Variants in ROBO2 observed in about 807,000 individuals in gnomAD.
ROBO2 encodes roundabout guidance receptor 2, also known as roundabout homolog 2.
ROBO2 carries 53 observed loss-of-function variants against 160.8 expected under a neutral mutation model. The ratio of observed to expected loss-of-function variants is 0.33; its 90% CI spans 0.26 to 0.41. The LOEUF is 0.41. ROBO2 is among the 10% of genes least tolerant of loss of function. ROBO2 has a pLI of 1.00. For synonymous variants in ROBO2, 664 were observed against 611.7 expected (o/e 1.09, Z -1.26); for missense variants, 1,577 against 1,722.4 (o/e 0.92, Z 1.49).
chr3:77,047,812 G>T (rs2064831975), intron 1 of ROBO2, among the ~76,000 whole-genome samples: 1 of 151,528 alleles, frequency 6.6e-6, no homozygotes, highest in Admixed American at 6.6e-5. Context: ...GGGAGGCTGA[G>T]GCAGGTGGAT....
intron 2 of ROBO2, among the ~76,000 whole-genome samples, chr3:76,139,551 G>T (rs2106743341): frequency 6.6e-6 from 1 of 152,094 alleles, no homozygotes; most frequent in Middle Eastern, 3.4e-3. Context: ...AGGTCCTGCA[G>T]TGGAGTGGAG....
intron 2 of ROBO2, among the ~76,000 whole-genome samples, chr3:77,418,138 AT>A (rs200656727): frequency 6.8e-6 from 1 of 146,890 alleles, no homozygotes; most frequent in Admixed American, 6.8e-5. Context: ...ACATCCTTAT[AT>A]TTTTTTTACC....
At chr3:76,083,319 G>A (rs1238989248) in intron 2 of ROBO2, among the ~76,000 whole-genome samples, 1 of 152,032 alleles carries the variant, frequency 6.6e-6, no homozygotes, top group Admixed American at 6.6e-5. Context: ...AAAGTTTAGA[G>A]CATTTGGAAA....
chr3:76,166,766 A>C (rs913082530), intron 2 of ROBO2, among the ~76,000 whole-genome samples: 1 of 152,176 alleles, frequency 6.6e-6, no homozygotes, highest in Non-Finnish European at 1.5e-5. Flanking sequence ...TTTTAAGGAA[A>C]TCTTGTTTGA....
chr3:76,305,015 G>T (rs1290573323), intron 2 of ROBO2, among the ~76,000 whole-genome samples: 1 of 151,912 alleles, frequency 6.6e-6, no homozygotes, highest in Admixed American at 6.6e-5. Flanking sequence ...TTCCTTGGAA[G>T]CATAAGAATA....
rs1391625263 is a variant in ROBO2, at chr3:76,798,739, A to G, written c.110-299275A>G. 2.6e-5 allele frequency among the ~76,000 whole-genome samples: 4 copies of G among 152,088 alleles called. 1 individual carries two copies. The highest frequency in any genetic ancestry group is 2.0e-4 in the Admixed American group (3 of 15,268). On this transcript the variant is annotated intron_variant, in intron 2 of 26. Transcript: ENST00000487694. ...AACCCTGCCTCTATTTGAAAAATAC[A>G]AAAAGTAGCTAGGCATGGTGGTGCA... is the stretch of plus-strand genomic sequence containing the variant.
chr3:76,516,577 A>G (rs2081358292), intron 2 of ROBO2, among the ~76,000 whole-genome samples: 1 of 152,130 alleles, frequency 6.6e-6, no homozygotes. Context: ...AAAATTTACC[A>G]GTGTTCTCTT....
At chr3:76,140,755 T>C (rs1307950837) in intron 2 of ROBO2, among the ~76,000 whole-genome samples, 2 of 151,616 alleles carry the variant, frequency 1.3e-5, no homozygotes. Flanking sequence ...ATTTTATTGT[T>C]CTCCTATTAT....
At chr3:75,929,853 C>T (rs7434118) in intron 1 of ROBO2, among the ~76,000 whole-genome samples, 43,841 of 151,970 alleles carry the variant, frequency 0.29, 7,076 homozygotes, top group South Asian at 0.55. Flanking sequence ...CACCACCACA[C>T]CCAGCTAATT....
intron 6 of ROBO2, among the ~76,000 whole-genome samples, chr3:77,528,940 T>A (rs1166166386): frequency 1.3e-5 from 2 of 151,554 alleles, no homozygotes; most frequent in Non-Finnish European, 3.0e-5. Context: ...ATTTTATGTA[T>A]CTTTTGAATG....
At chr3:77,574,162 G>A (rs1486986965) in intron 13 of ROBO2, among the ~76,000 whole-genome samples, 3 of 152,060 alleles carry the variant, frequency 2.0e-5, no homozygotes, top group Non-Finnish European at 4.4e-5. Context: ...AAGCAGAGGA[G>A]ACATAAAGTT....
chr3:76,668,025 A>C (rs1278703746), intron 2 of ROBO2, among the ~76,000 whole-genome samples: 1 of 152,202 alleles, frequency 6.6e-6, no homozygotes, highest in African/African-American at 2.4e-5. Context: ...ATGAGTTATC[A>C]GACACTCTAC....
intron 1 of ROBO2, among the ~76,000 whole-genome samples, chr3:75,909,520 T>G (rs183834069): frequency 1.2e-4 from 18 of 152,314 alleles, no homozygotes; most frequent in African/African-American, 4.3e-4. Context: ...CCCTGAACAT[T>G]TATAGCTCAG....
At chr3:76,079,985 A>T (rs1052893238) in intron 2 of ROBO2, among the ~76,000 whole-genome samples, 8 of 152,228 alleles carry the variant, frequency 5.3e-5, no homozygotes, top group African/African-American at 1.9e-4. Context: ...TATAGCAGGA[A>T]TACATAAGAA....
At chr3:76,269,439 A>C (rs559258721) in intron 2 of ROBO2, among the ~76,000 whole-genome samples, 4 of 152,200 alleles carry the variant, frequency 2.6e-5, no homozygotes, top group African/African-American at 9.6e-5. Flanking sequence ...CTGAATGTTC[A>C]GATCTAATAC....
intron 2 of ROBO2, among the ~76,000 whole-genome samples, chr3:76,346,434 T>G (rs1006186651): frequency 2.6e-5 from 4 of 152,076 alleles, no homozygotes; most frequent in African/African-American, 9.7e-5. Context: ...AAAACTGAGG[T>G]CAAGACTATT....
chr3:76,666,016 T>A lies in ROBO2; in HGVS notation c.110-431998T>A, dbSNP rs2092027203. Among the ~76,000 whole-genome samples the A allele has an allele frequency of 2.5e-5, 3 of 122,136 alleles. No homozygotes were observed. In the Admixed American group the frequency reaches 2.5e-4, roughly 10 times the overall value. 80.1% of individuals were successfully genotyped at this position (122,136 alleles called of 152,430 possible). A position where few individuals can be genotyped will look rare whatever the true frequency, so the allele number is the denominator to read the frequency against. The stretch of plus-strand genomic sequence containing the variant: ...ATATATAATATATAATATATACATA[T>A]TATATATTATATATATTATATATAT... On this transcript the variant is annotated intron_variant, in intron 2 of 26. Transcript: ENST00000487694.
intron 2 of ROBO2, among the ~76,000 whole-genome samples, chr3:76,445,110 G>A (rs2077111145): frequency 1.3e-5 from 2 of 152,134 alleles, no homozygotes; most frequent in South Asian, 4.1e-4. Flanking sequence ...CAGTTTACTA[G>A]CAAAAGAAGG....
intron 2 of ROBO2, among the ~76,000 whole-genome samples, chr3:76,411,004 A>G (rs999577693): frequency 6.6e-6 from 1 of 152,152 alleles, no homozygotes; most frequent in Non-Finnish European, 1.5e-5. Context: ...TTATCCTTCC[A>G]TCCAGGGACC....
Sources: allele counts gnomAD v4.1 joint callset (sites outside exome capture counted in the v4.1 genomes callset), GRCh38; gene constraint gnomAD v4.1.1; transcripts MANE v1.5; gene names NCBI Gene and HGNC (gene_info 2026-07-23, HGNC 2026-07-21).